Variants in LDAH observed in about 807,000 individuals in gnomAD.
The protein encoded by LDAH is lipid droplet associated hydrolase, also known as lipid droplet-associated hydrolase.
LDAH carries 26 observed loss-of-function variants against 29.6 expected under a neutral mutation model. The observed-to-expected ratio is 0.88, with a 90% confidence interval of 0.64 to 1.22. The LOEUF (loss-of-function observed/expected upper bound fraction) is 1.22. Ranked by LOEUF, LDAH falls within the 50% of genes most tolerant of loss-of-function variation. The pLI is 0.00. For missense variants in LDAH, 344 were observed against 387.3 expected, an observed-to-expected ratio of 0.89 and a Z score of 0.94; for synonymous variants, 117 against 133.0, an observed-to-expected ratio of 0.88 and a Z score of 0.83.
intron 1 of LDAH, among the ~76,000 whole-genome samples, chr2:20,813,458 G>A (rs941806182): frequency 6.6e-6 from 1 of 152,094 alleles, no homozygotes; most frequent in African/African-American, 2.4e-5. Flanking sequence ...CCATAATGTG[G>A]ATATACCATA....
chr2:20,758,028 T>C (rs946326304), intron 4 of LDAH, among the ~76,000 whole-genome samples: 1 of 152,204 alleles, frequency 6.6e-6, no homozygotes, highest in African/African-American at 2.4e-5. Flanking sequence ...TCTTTCCATG[T>C]GCATACATCC....
intron 4 of LDAH, among the ~76,000 whole-genome samples, chr2:20,742,754 A>G (rs1667270949): frequency 6.7e-6 from 1 of 149,974 alleles, no homozygotes. Context: ...CCACTCTAAC[A>G]ATCTTTTAAT....
rs1017992023 is a variant in LDAH at position 20,801,304 on chromosome 2, G to A, written c.154+6C>T. 9 of 1,610,552 alleles carry A rather than the reference G, an allele frequency of 5.6e-6. No homozygotes were observed. In the African/African-American group the frequency reaches 6.7e-5, roughly 12 times the overall value. ...AAAGTCTCCTCACCCAGACTTTTAC[G>A]CTCACCAGGAATAATGAAAATAAGC... On this transcript the variant is annotated splice_donor_region_variant and intron_variant, in intron 2 of 6. Transcript: ENST00000237822.
intron 4 of LDAH, among the ~76,000 whole-genome samples, chr2:20,751,012 TG>T (rs1558441844): frequency 6.6e-6 from 1 of 152,128 alleles, no homozygotes; most frequent in Admixed American, 6.5e-5. Flanking sequence ...CACTTGAGGA[TG>T]GGGGGATTGA....
intron 2 of LDAH, among the ~76,000 whole-genome samples, chr2:20,790,947 G>C (rs954146575): frequency 6.6e-6 from 1 of 152,116 alleles, no homozygotes; most frequent in Non-Finnish European, 1.5e-5. Flanking sequence ...AGATCTGTAG[G>C]GGGGAAATTA....
chr2:20,725,049 T>A (rs1030997807), intron 5 of LDAH, among the ~76,000 whole-genome samples: 3 of 152,234 alleles, frequency 2.0e-5, no homozygotes, highest in Admixed American at 6.5e-5. Context: ...ACTCTTGGTC[T>A]ATGGTGACTG....
intron 1 of LDAH, among the ~76,000 whole-genome samples, chr2:20,816,393 C>G (rs1672850674): frequency 1.3e-5 from 2 of 151,770 alleles, no homozygotes; most frequent in South Asian, 4.2e-4. Flanking sequence ...TTCACTAAAA[C>G]ATAATGACAT....
intron 1 of LDAH, among the ~76,000 whole-genome samples, chr2:20,816,853 T>C (rs1672887684): frequency 6.6e-6 from 1 of 151,574 alleles, no homozygotes. Context: ...AATTAAAAAT[T>C]ATACAGCTTA....
chr2:20,689,145 A>C lies in LDAH; in HGVS notation c.787-2051T>G, dbSNP rs1046863364. ...AGAATGATGGTTTCCAGCTTCATCC[A>C]TGTCCCTGCAAAGGACATGAACTCA... On this transcript the variant is annotated intron_variant, in intron 6 of 6. Transcript: ENST00000237822. 8.5e-5 allele frequency among the ~76,000 whole-genome samples: 13 copies of C among 152,144 alleles called. No homozygotes were observed. The Middle Eastern group carries it at 0.014, about 159-fold the overall frequency.
At chr2:20,690,774 CTTTA>C (rs1662952057) in intron 6 of LDAH, among the ~76,000 whole-genome samples, 2 of 152,072 alleles carry the variant, frequency 1.3e-5, no homozygotes, top group Non-Finnish European at 2.9e-5. Flanking sequence ...AGTGCATACT[CTTTA>C]TTTATCGGTA....
intron 6 of LDAH, among the ~76,000 whole-genome samples, chr2:20,694,595 G>A (rs534339685): frequency 2.0e-5 from 3 of 152,310 alleles, no homozygotes; most frequent in African/African-American, 7.2e-5. Flanking sequence ...TTGAGAAAAT[G>A]AGAACTGAAA....
In LDAH at chr2:20,686,689, G is replaced by GTA; in HGVS notation, c.*213_*214insTA. 2.7e-6 allele frequency: 1 copy of GTA among 369,616 alleles called. No homozygotes were observed. Among genetic ancestry groups the GTA allele is most frequent in the Non-Finnish European group, 4.8e-6 (1 of 209,062 alleles). 22.9% of individuals were successfully genotyped at this position (369,616 alleles called of 1,614,324 possible). On this transcript the variant is annotated 3_prime_UTR_variant, in exon 7 of 7. Transcript: ENST00000237822. ...CTGTGTAGATCACTGTGTTCCCTGAGTCTTGGAAAATGTATGGTTAAACCT... is the reference window on the plus strand; with the variant it reads ...CTGTGTAGATCACTGTGTTCCCTGAGTATCTTGGAAAATGTATGGTTAAACCT...
At chr2:20,710,327 C>A (rs1008502317) in intron 5 of LDAH, among the ~76,000 whole-genome samples, 1 of 151,826 alleles carries the variant, frequency 6.6e-6, no homozygotes, top group African/African-American at 2.4e-5. Flanking sequence ...AATGTAGACA[C>A]CTTGGACAAA....
chr2:20,808,546 C>A (rs925906930), intron 1 of LDAH, among the ~76,000 whole-genome samples: 2 of 151,948 alleles, frequency 1.3e-5, no homozygotes, highest in Non-Finnish European at 2.9e-5. Context: ...CGTCTATAAT[C>A]CCAGCTACTC....
chr2:20,731,369 C>T (rs116622613), intron 5 of LDAH, among the ~76,000 whole-genome samples: 173 of 152,312 alleles, frequency 1.1e-3, no homozygotes, highest in African/African-American at 3.8e-3. Context: ...CTCAGTCCCG[C>T]TCCTCCCATG....
intron 4 of LDAH, among the ~76,000 whole-genome samples, chr2:20,741,158 T>C (rs1384895607): frequency 6.6e-6 from 1 of 152,210 alleles, no homozygotes. Context: ...GTTCCTTGTA[T>C]ATTTTGGATT....
chr2:20,741,858 A>G (rs1427100911), intron 4 of LDAH, among the ~76,000 whole-genome samples: 2 of 152,130 alleles, frequency 1.3e-5, no homozygotes, highest in Non-Finnish European at 2.9e-5. Flanking sequence ...TTCTTTATCC[A>G]TTCATCTGCT....
chr2:20,777,321 C>T (rs1669885716), intron 3 of LDAH, among the ~76,000 whole-genome samples: 1 of 152,176 alleles, frequency 6.6e-6, no homozygotes, highest in African/African-American at 2.4e-5. Context: ...TTCAAGAACA[C>T]AGTACTTGCT....
chr2:20,781,275 T>G (rs1418434723), intron 3 of LDAH, among the ~76,000 whole-genome samples: 1 of 152,206 alleles, frequency 6.6e-6, no homozygotes, highest in African/African-American at 2.4e-5. Flanking sequence ...CTGACATTGG[T>G]GAACATCTGT....
Sources: allele counts gnomAD v4.1 joint callset (sites outside exome capture counted in the v4.1 genomes callset), GRCh38; gene constraint gnomAD v4.1.1; transcripts MANE v1.5; gene names NCBI Gene and HGNC (gene_info 2026-07-23, HGNC 2026-07-21).